CEP350: variants seen among roughly 807,000 people sequenced by gnomAD.
CEP350 encodes the protein centrosome-associated protein 350.
Under a neutral mutation model 331.8 loss-of-function variants are expected in CEP350, and 126 were observed. The ratio of observed to expected loss-of-function variants is 0.38; its 90% CI spans 0.33 to 0.44. The LOEUF (loss-of-function observed/expected upper bound fraction) is 0.44, where lower values mean the gene tolerates loss of function less well. Among genes scored for constraint, CEP350 ranks in the 20% least tolerant of loss-of-function variants. The pLI, the probability that CEP350 is intolerant of heterozygous loss-of-function variation, is 1.00. For synonymous variants in CEP350, 1,200 were observed against 1,259.5 expected (o/e 0.95, Z 1.00); for missense variants, 3,406 against 3,634.6 (o/e 0.94, Z 1.62).
chr1:180,034,546 C>T (rs1656226636), intron 16 of CEP350, among the ~76,000 whole-genome samples: 1 of 151,548 alleles, frequency 6.6e-6, no homozygotes, highest in Non-Finnish European at 1.5e-5. Context: ...TTTCCAGCAG[C>T]ATGTGCTCAC....
intron 20 of CEP350, 124 bp downstream of exon 20, chr1:180,043,316 C>A: frequency 8.7e-7 from 1 of 1,149,800 alleles, no homozygotes; most frequent in Non-Finnish European, 1.2e-6. Flanking sequence ...CAGTTATGGG[C>A]ATAGTCTAGT....
chr1:179,995,540 G>T (rs1030186094), intron 5 of CEP350, among the ~76,000 whole-genome samples: 1 of 152,180 alleles, frequency 6.6e-6, no homozygotes, highest in African/African-American at 2.4e-5. Flanking sequence ...GGGAGGCAGA[G>T]GTTGCAGTGA....
intron 2 of CEP350, among the ~76,000 whole-genome samples, chr1:179,986,595 TA>T (rs1476950610): frequency 2.0e-5 from 3 of 152,172 alleles, no homozygotes; most frequent in Admixed American, 6.5e-5. Context: ...GAATTCTTTT[TA>T]AAATAATGCA....
intron 37 of CEP350, among the ~76,000 whole-genome samples, chr1:180,099,641 T>C (rs1660677561): frequency 6.6e-6 from 1 of 152,186 alleles, no homozygotes; most frequent in South Asian, 2.1e-4. Flanking sequence ...GACATTTATA[T>C]AATGAAAAAA....
chr1:180,007,839 C>CGT (rs71118426), intron 8 of CEP350, among the ~76,000 whole-genome samples: 11,837 of 140,866 alleles, frequency 0.084, 576 homozygotes, highest in Middle Eastern at 0.14. Context: ...TTTTATGTAT[C>CGT]GTGTGTGTGT....
intron 1 of CEP350, among the ~76,000 whole-genome samples, chr1:179,971,294 G>A (rs1651435615): frequency 6.6e-6 from 1 of 152,062 alleles, no homozygotes; most frequent in Non-Finnish European, 1.5e-5. Context: ...CTCCCAAAGT[G>A]CTGAGATTAT....
intron 25 of CEP350, among the ~76,000 whole-genome samples, chr1:180,057,301 A>G (rs531800475): frequency 1.4e-4 from 22 of 151,852 alleles, no homozygotes; most frequent in African/African-American, 4.6e-4. Context: ...GGGTTTCACC[A>G]TGTTGGCCAG....
At chr1:180,080,780 T>C (rs996221503) in intron 30 of CEP350, 119 bp downstream of exon 30, 7 of 815,398 alleles carry the variant, frequency 8.6e-6, no homozygotes, top group Admixed American at 4.2e-5. Context: ...GGTGAGTTTA[T>C]GTAGGATTGT....
Position 180,075,115 on chromosome 1 carries a change from A to G in CEP350, c.5661A>G (p.Ala1887=), listed in dbSNP as rs747003855. ...AGCGACGTTTAGATGCAGAAGAAGCAGAAATTCGTCAAATGGAAAAACAAG... is the reference window on the plus strand; with the variant it reads ...AGCGACGTTTAGATGCAGAAGAAGCGGAAATTCGTCAAATGGAAAAACAAG... ...EWKRRLDAEE[A]EIRQMEKQAL... is the part of the protein sequence containing the mutation. The change falls in exon 28 of 38, where the codon GCA becomes GCG. Residue 1887 remains alanine (A), a synonymous_variant. Coordinates refer to ENST00000367607, the MANE Select transcript of CEP350 (RefSeq NM_014810.5). The G allele has an allele frequency of 6.2e-7, 1 of 1,613,802 alleles. No homozygotes were observed. The highest frequency in any genetic ancestry group is 8.5e-7 in the Non-Finnish European group (1 of 1,179,794).
At chr1:179,996,016 T>C (rs1193662804) in intron 5 of CEP350, among the ~76,000 whole-genome samples, 1 of 152,216 alleles carries the variant, frequency 6.6e-6, no homozygotes, top group Non-Finnish European at 1.5e-5. Context: ...TATTGACAAA[T>C]GTCAAGTGAA....
intron 3 of CEP350, among the ~76,000 whole-genome samples, chr1:179,988,466 T>A (rs2148674749): frequency 6.6e-6 from 1 of 152,328 alleles, no homozygotes; most frequent in African/African-American, 2.4e-5. Context: ...CTGATTGCTC[T>A]AGCTGGGACT....
intron 36 of CEP350, among the ~76,000 whole-genome samples, chr1:180,096,757 A>G (rs892285858): frequency 6.6e-6 from 1 of 152,262 alleles, no homozygotes; most frequent in African/African-American, 2.4e-5. Flanking sequence ...TCCAGAAGCT[A>G]CAAGGACTAT....
intron 11 of CEP350, 93 bp downstream of exon 11, chr1:180,016,063 C>G: frequency 7.0e-7 from 1 of 1,432,934 alleles, no homozygotes; most frequent in Non-Finnish European, 9.6e-7. Flanking sequence ...CTTTTGTGAA[C>G]AAGAGGGCAG....
At chr1:180,036,559 T>G (rs192091939) in intron 16 of CEP350, among the ~76,000 whole-genome samples, 1 of 152,180 alleles carries the variant, frequency 6.6e-6, no homozygotes, top group Non-Finnish European at 1.5e-5. Context: ...GCAAAAAGAT[T>G]AGGACTTGCT....
chr1:180,042,227 A>G (rs1484058748), intron 19 of CEP350, among the ~76,000 whole-genome samples: 1 of 151,778 alleles, frequency 6.6e-6, no homozygotes, highest in African/African-American at 2.4e-5. Context: ...TCTCTTTGCA[A>G]CCAGTCCCTA....
At chr1:180,030,079 G>T (rs1288597885) in intron 14 of CEP350, among the ~76,000 whole-genome samples, 1 of 151,894 alleles carries the variant, frequency 6.6e-6, no homozygotes, top group African/African-American at 2.4e-5. Context: ...GGACATTTGG[G>T]TTGCTTTCAT....
chr1:180,022,071 G>A (rs1655358544), intron 12 of CEP350, among the ~76,000 whole-genome samples: 1 of 152,048 alleles, frequency 6.6e-6, no homozygotes, highest in African/African-American at 2.4e-5. Flanking sequence ...ATGCTCAACT[G>A]GGTATCACAT....
intron 33 of CEP350, among the ~76,000 whole-genome samples, chr1:180,091,457 A>T (rs1045608669): frequency 6.6e-6 from 1 of 152,154 alleles, no homozygotes; most frequent in Non-Finnish European, 1.5e-5. Context: ...ATCTGGTTAT[A>T]TATATTTTCA....
intron 1 of CEP350, among the ~76,000 whole-genome samples, chr1:179,979,196 A>G (rs1006721803): frequency 5.3e-5 from 8 of 152,092 alleles, no homozygotes; most frequent in Non-Finnish European, 8.8e-5. Context: ...ATAGTATGTA[A>G]GAGTTCCTTT....
Sources: gnomAD v4.1 joint callset for allele counts (sites outside exome capture counted in the v4.1 genomes callset) on GRCh38, gnomAD v4.1.1 for gene constraint, MANE v1.5 for transcripts, NCBI Gene and HGNC (gene_info 2026-07-23, HGNC 2026-07-21) for gene names.